ADNP2: variants seen among roughly 807,000 people sequenced by gnomAD.
ADNP2 encodes the protein activity-dependent neuroprotector homeobox protein 2.
Under a neutral mutation model 16.4 loss-of-function variants are expected in ADNP2, and 8 were observed. That is an observed-to-expected ratio of 0.49 (90% CI 0.29 to 0.88). The LOEUF (loss-of-function observed/expected upper bound fraction) is 0.88, where lower values mean the gene tolerates loss of function less well. Among genes scored for constraint, ADNP2 ranks in the 40% least tolerant of loss-of-function variants. The pLI, the probability that ADNP2 is intolerant of heterozygous loss-of-function variation, is 0.09. For missense variants in ADNP2, 1,397 were observed against 1,395.1 expected, an observed-to-expected ratio of 1.00 and a Z score of -0.02; for synonymous variants, 637 against 545.8, an observed-to-expected ratio of 1.17 and a Z score of -2.33.
rs1352316068 is a variant in ADNP2 at position 80,138,778 on chromosome 18, A to C, written c.3365A>C (p.Lys1122Thr). The change falls in exon 4 of 4, where the codon AAA (lysine) becomes ACA (threonine). Residue 1122 changes from lysine to threonine, a missense_variant. Around this residue, in one of 3 missense-constraint regions of ADNP2, gnomAD observed 611 missense variants for 648.7 expected, o/e 0.94. Transcript: ENST00000262198. ...GATATGTCTGAACTTAAAAATGTGA[A>C]ACATAGATTGAACTTTGAATATGAA... is the stretch of plus-strand genomic sequence containing the variant. ...GFDMSELKNVKHRLNFEYEP is the reference protein window; with the variant it reads ...GFDMSELKNVTHRLNFEYEP 6.4e-7 allele frequency: 1 copy of C among 1,567,372 alleles called. No individual in the cohort carries two copies. Among genetic ancestry groups the C allele is most frequent in the East Asian group, 2.2e-5 (1 of 44,536 alleles).
intron 1 of ADNP2, among the ~76,000 whole-genome samples, chr18:80,113,877 T>C (rs1012151196): frequency 3.3e-5 from 5 of 152,070 alleles, no homozygotes; most frequent in African/African-American, 1.2e-4. Context: ...TAGAATTGCT[T>C]ACTCAGAAAT....
At position 80,136,721 on chromosome 18, in the gene ADNP2, G is replaced by A. The variant is rs764722669; in HGVS notation, c.1308G>A (p.Gly436=). ...GGGTCCTGCAGGCTGTCTCGCCAGG[G>A]GTGCTTTCTGTGAGTCGGGCGGTCC... ...TPGVLQAVSP[G]VLSVSRAVPS... The change falls in exon 4 of 4, where the codon GGG becomes GGA. Residue 436 remains glycine (G), a synonymous_variant. Transcript: ENST00000262198. 1 of 1,613,528 alleles carries A rather than the reference G, an allele frequency of 6.2e-7. No homozygotes were observed. Among genetic ancestry groups the A allele is most frequent in the African/African-American group, 1.3e-5 (1 of 75,018 alleles).
chr18:80,135,212 C>T (rs11660024), intron 3 of ADNP2, among the ~76,000 whole-genome samples: 5 of 152,012 alleles, frequency 3.3e-5, no homozygotes, highest in Non-Finnish European at 4.4e-5. Flanking sequence ...TGAATTAGCC[C>T]GTGAGCCATG....
intron 2 of ADNP2, among the ~76,000 whole-genome samples, chr18:80,127,164 G>A (rs1228459171): frequency 1.3e-5 from 2 of 152,072 alleles, no homozygotes; most frequent in African/African-American, 2.4e-5. Flanking sequence ...GTATTTTATT[G>A]TAGGTATGTC....
At chr18:80,129,995 T>C (rs1463140724) in intron 2 of ADNP2, among the ~76,000 whole-genome samples, 1 of 152,246 alleles carries the variant, frequency 6.6e-6, no homozygotes, top group African/African-American at 2.4e-5. Context: ...TATCCTTTCC[T>C]TTGAGCTGTG....
At position 80,136,293 on chromosome 18, in the gene ADNP2, C is replaced by G. The variant is rs1370021905; in HGVS notation, c.880C>G (p.Leu294Val). 6.2e-7 allele frequency: 1 copy of G among 1,613,530 alleles called. No individual in the cohort carries two copies. Among genetic ancestry groups the G allele is most frequent in the Non-Finnish European group, 8.5e-7 (1 of 1,179,540 alleles). Residue 294 changes from leucine (L) to valine (V), a missense_variant, in exon 4 of 4, where the codon CTT becomes GTT. Leu to Val is a conservative substitution (Grantham distance 32). This residue lies in a region of ADNP2 where 777 missense variants were observed against 719.4 expected (regional missense o/e 1.08). Transcript: ENST00000262198. Reference sequence around the variant, plus strand: ...TCCAGCGCAGCCTCCTTGCTTCCATCTTGCTTTGCCACAGAACAGTCCAAG... The same window carrying G: ...TCCAGCGCAGCCTCCTTGCTTCCATGTTGCTTTGCCACAGAACAGTCCAAG... ...SAPAQPPCFH[L>V]ALPQNSPSPA...
At chr18:80,115,554 C>G (rs550807653) in intron 1 of ADNP2, among the ~76,000 whole-genome samples, 2 of 152,318 alleles carry the variant, frequency 1.3e-5, no homozygotes, top group East Asian at 3.9e-4. Flanking sequence ...AACCCCTAGT[C>G]TGGTCAAGTA....
chr18:80,127,992 A>G (rs914131192), intron 2 of ADNP2, among the ~76,000 whole-genome samples: 4 of 152,250 alleles, frequency 2.6e-5, no homozygotes, highest in Admixed American at 1.3e-4. Context: ...AATTTATCAC[A>G]AGGTCAATAT....
Position 80,136,938 on chromosome 18 carries a change from A to G in ADNP2, c.1525A>G (p.Ile509Val). ...AGGCCAGACAGCCCCATTGAGGGTT[A>G]TCTCTGCAGGCCAGGTGGTCCCGTC... ...PPGQTAPLRV[I>V]SAGQVVPSGL... The change falls in exon 4 of 4, where the codon ATC becomes GTC. Residue 509 changes from isoleucine to valine, a missense_variant. By Grantham distance (29) the Ile-to-Val change is conservative (BLOSUM62 3). Coordinates refer to ENST00000262198, the MANE Select transcript of ADNP2 (RefSeq NM_014913.4). The G allele has an allele frequency of 6.2e-7, 1 of 1,613,618 alleles. No individual in the cohort carries two copies. The highest frequency in any genetic ancestry group is 8.5e-7 in the Non-Finnish European group (1 of 1,179,774).
chr18:80,113,406 C>G (rs2052369940), intron 1 of ADNP2, among the ~76,000 whole-genome samples: 1 of 152,328 alleles, frequency 6.6e-6, no homozygotes, highest in Middle Eastern at 3.4e-3. Flanking sequence ...TTAACCCTTT[C>G]TGCCTCCCAC....
intron 2 of ADNP2, among the ~76,000 whole-genome samples, chr18:80,121,790 CTGTT>C (rs1049174189): frequency 1.3e-5 from 2 of 152,186 alleles, no homozygotes; most frequent in Non-Finnish European, 2.9e-5. Flanking sequence ...CTTCTAGAGA[CTGTT>C]TGTTCCCTAT....
At chr18:80,118,610 G>T (rs35136387) in intron 2 of ADNP2, among the ~76,000 whole-genome samples, 26,975 of 151,992 alleles carry the variant, frequency 0.18, 2,694 homozygotes, top group Middle Eastern at 0.25. Flanking sequence ...TTTTAAGGTG[G>T]AATTCTGTTA....
chr18:80,125,142 G>A (rs893332694), intron 2 of ADNP2, among the ~76,000 whole-genome samples: 5 of 152,288 alleles, frequency 3.3e-5, no homozygotes, highest in South Asian at 2.1e-4. Flanking sequence ...GTTACCCAAC[G>A]TGTTAGCCTA....
At position 80,138,190 on chromosome 18, in the gene ADNP2, T is replaced by G. The variant is rs1568417034; in HGVS notation, c.2777T>G (p.Met926Arg). 2 of 1,614,146 alleles carry G rather than the reference T, an allele frequency of 1.2e-6. No homozygotes were observed. Among genetic ancestry groups the G allele is most frequent in the South Asian group, 1.1e-5 (1 of 91,084 alleles). ...IHCCGVYTGN[M>R]TLAAIAVHLV... ...TGCTGTGGGGTCTACACGGGAAATA[T>G]GACCCTGGCTGCCATCGCCGTCCAT... The change falls in exon 4 of 4, where the codon ATG (methionine) becomes AGG (arginine). Residue 926 changes from methionine to arginine, a missense_variant. This residue lies in a region of ADNP2 where 611 missense variants were observed against 648.7 expected (regional missense o/e 0.94). Coordinates refer to ENST00000262198, the MANE Select transcript of ADNP2 (RefSeq NM_014913.4).
intron 1 of ADNP2, among the ~76,000 whole-genome samples, chr18:80,113,345 AAAAACTTGGTGTTTGCTTGTTACCCACC>A (rs1382614910): frequency 6.6e-6 from 1 of 152,184 alleles, no homozygotes; most frequent in Non-Finnish European, 1.5e-5. Context: ...ACAGCTTCTC[AAAAACTTGGTGTTTGCTTGTTACCCACC>A]AAAAATTTCT....
chr18:80,137,574 T>A lies in ADNP2; in HGVS notation c.2161T>A (p.Ser721Thr). The change falls in exon 4 of 4, where the codon TCC (serine) becomes ACC (threonine). Residue 721 changes from serine to threonine, a missense_variant. Physicochemically the swap from Ser to Thr is moderately conservative, Grantham distance 58. Transcript: ENST00000262198. This position sits in a 1 kb window ranked among gnomAD's most constrained non-coding sequence, Gnocchi z 4.2. ...HMEVAHKHSE[S>T]KSGEKLEPEK... ...GGAGGTAGCGCATAAGCACAGCGAG[T>A]CCAAGTCTGGTGAGAAACTTGAGCC... 1.9e-6 allele frequency: 3 copies of A among 1,614,162 alleles called. No individual in the cohort carries two copies. The highest frequency in any genetic ancestry group is 2.5e-6 in the Non-Finnish European group (3 of 1,180,030).
At position 80,131,077 on chromosome 18, in the gene ADNP2, T is replaced by G. The variant is rs752687821; in HGVS notation, c.109-2026T>G. Among the ~76,000 whole-genome samples, 21 of 152,296 alleles carry G rather than the reference T, an allele frequency of 1.4e-4. 1 individual carries two copies. The highest frequency in any genetic ancestry group is 1.9e-4 in the East Asian group (1 of 5,178). On this transcript the variant is annotated intron_variant, in intron 2 of 3. Transcript: ENST00000262198. Reference sequence around the variant, plus strand: ...TTACCTGCACGTAAGGTGGAGGCCTTCCTTCTACGTTTCCTCCCTTCCCTA... The same window carrying G: ...TTACCTGCACGTAAGGTGGAGGCCTGCCTTCTACGTTTCCTCCCTTCCCTA...
intron 1 of ADNP2, among the ~76,000 whole-genome samples, chr18:80,111,914 A>G (rs1230119887): frequency 6.6e-6 from 1 of 152,080 alleles, no homozygotes; most frequent in Non-Finnish European, 1.5e-5. Context: ...ATACTAAAAA[A>G]TCCCCAGAGA....
rs186041052 is a variant in ADNP2 at position 80,125,366 on chromosome 18, G to A, written c.108+7716G>A. Among the ~76,000 whole-genome samples the A allele has an allele frequency of 2.7e-4, 41 of 152,246 alleles. No individual in the cohort carries two copies. In the East Asian group the frequency reaches 3.3e-3, roughly 12 times the overall value. ...CTGTCTTTAAAATAATAAATAGGCC[G>A]GGGGCGGTGGCTCACGCCTGTAATC... is the stretch of plus-strand genomic sequence containing the variant. On this transcript the variant is annotated intron_variant, in intron 2 of 3. Transcript: ENST00000262198.
Sources: gnomAD v4.1 joint callset for allele counts (sites outside exome capture counted in the v4.1 genomes callset) on GRCh38, gnomAD v4.1.1 for gene constraint, gnomAD v4.1.1 regional missense constraint, Gnocchi (gnomAD v3.1) non-coding constraint, MANE v1.5 for transcripts, NCBI Gene and HGNC (gene_info 2026-07-23, HGNC 2026-07-21) for gene names.